The following SNX25 variants were observed in gnomAD, a reference collection of about 807,000 sequenced individuals.
The protein encoded by SNX25 is sorting nexin-25.
Under a neutral mutation model 113.7 loss-of-function variants are expected in SNX25, and 62 were observed. The observed-to-expected ratio is 0.55, with a 90% CI of 0.44 to 0.67. The LOEUF is 0.67. SNX25 is among the 30% of genes least tolerant of loss of function. The probability of loss-of-function intolerance (pLI) is 0.00; values close to 1 mark genes in which losing one functional copy is unlikely to be tolerated. For synonymous variants in SNX25, 421 were observed against 436.2 expected (o/e 0.97, Z 0.43); for missense variants, 1,014 against 1,161.0 (o/e 0.87, Z 1.84).
chr4:185,211,574 T>A (rs2111470260), intron 1 of SNX25, among the ~76,000 whole-genome samples: 1 of 152,344 alleles, frequency 6.6e-6, no homozygotes, highest in South Asian at 2.1e-4. Context: ...TTATAATTCA[T>A]TCGGTAAATA....
At chr4:185,367,347 G>C, downstream of SNX25, 2 of 1,035,570 alleles carry the variant, frequency 1.9e-6, no homozygotes, top group African/African-American at 1.6e-5. Flanking sequence ...GAATAGTAAA[G>C]TACAGTGAAT....
chr4:185,206,458 C>T (rs565126002), upstream of SNX25, among the ~76,000 whole-genome samples: 33 of 147,642 alleles, frequency 2.2e-4, no homozygotes, highest in African/African-American at 7.9e-4. Context: ...ATCCTGAGGT[C>T]GGGGGGTTGA....
intron 5 of SNX25, among the ~76,000 whole-genome samples, chr4:185,283,854 C>T (rs1222143921): frequency 6.6e-6 from 1 of 152,062 alleles, no homozygotes; most frequent in Non-Finnish European, 1.5e-5. Flanking sequence ...TGAATGTTTG[C>T]TGGTATTACA....
chr4:185,323,431 G>A, intron 8 of SNX25, 97 bp from the exon 9 acceptor site: 2 of 1,229,240 alleles, frequency 1.6e-6, no homozygotes, highest in Non-Finnish European at 2.3e-6. Flanking sequence ...CATCTTAAAT[G>A]TCTTTCTTCT....
Position 185,362,647 on chromosome 4 carries a change from G to T in SNX25, c.2870G>T (p.Arg957Leu). The T allele has an allele frequency of 2.5e-6, 4 of 1,613,936 alleles. No individual in the cohort carries two copies. The highest frequency in any genetic ancestry group is 3.4e-6 in the Non-Finnish European group (4 of 1,179,986). Residue 957 changes from arginine (R) to leucine (L), a missense_variant, in exon 18 of 19, where the codon CGC becomes CTC. Coordinates refer to ENST00000652585, the MANE Select transcript of SNX25 (RefSeq NM_001378034.2). The part of the protein sequence containing the change: ...LQSLVGQQNA[R>L]HGIIKIFNAL... Reference sequence around the variant, plus strand: ...AGCCTTGTTGGACAGCAAAATGCCCGCCACGGTATAATAAAAATATTCAAT... The same window carrying T: ...AGCCTTGTTGGACAGCAAAATGCCCTCCACGGTATAATAAAAATATTCAAT...
At chr4:185,330,838 T>C (rs2095189202) in intron 9 of SNX25, among the ~76,000 whole-genome samples, 1 of 152,194 alleles carries the variant, frequency 6.6e-6, no homozygotes, top group South Asian at 2.1e-4. Flanking sequence ...ATAAAATCAC[T>C]GAACTGATTA....
At chr4:185,216,533 T>A (rs933557988) in intron 1 of SNX25, among the ~76,000 whole-genome samples, 4 of 149,490 alleles carry the variant, frequency 2.7e-5, no homozygotes, top group African/African-American at 9.9e-5. Flanking sequence ...TTTTTTTTTT[T>A]TTTGAGATGG....
intron 6 of SNX25, among the ~76,000 whole-genome samples, chr4:185,303,432 G>C (rs1340580086): frequency 6.6e-6 from 1 of 152,068 alleles, no homozygotes; most frequent in African/African-American, 2.4e-5. Flanking sequence ...GGCCGAGGTG[G>C]GTGGATCACG....
intron 1 of SNX25, among the ~76,000 whole-genome samples, chr4:185,227,038 G>C (rs1204318157): frequency 6.6e-6 from 1 of 152,234 alleles, no homozygotes; most frequent in Admixed American, 6.5e-5. Flanking sequence ...AGTCGGAAGA[G>C]CTTGCGGGCT....
At position 185,287,737 on chromosome 4, in the gene SNX25, G is replaced by C. The variant is rs78750345; in HGVS notation, c.1092-275G>C. On this transcript the variant is annotated intron_variant, in intron 5 of 18. Transcript: ENST00000652585. ...GAGAGGGAGGCTGAGCATAACCTCA[G>C]AGTTTCTACAGGTAGTTATGCTTCT... Among the ~76,000 whole-genome samples the C allele has an allele frequency of 7.5e-3, 1,149 of 152,300 alleles. 14 individuals are homozygous for C. Among genetic ancestry groups the C allele is most frequent in the African/African-American group, 0.026 (1,099 of 41,570 alleles).
chr4:185,266,326 G>GA (rs777281696), intron 4 of SNX25, among the ~76,000 whole-genome samples: 7 of 152,172 alleles, frequency 4.6e-5, no homozygotes, highest in Admixed American at 2.6e-4. Flanking sequence ...ATAAGTAAAA[G>GA]AAAAAAATCA....
At chr4:185,359,144 G>A (rs937053553) in intron 16 of SNX25, among the ~76,000 whole-genome samples, 4 of 152,134 alleles carry the variant, frequency 2.6e-5, no homozygotes, top group Non-Finnish European at 5.9e-5. Flanking sequence ...CTTCAGCCCA[G>A]AAGTTTACGA....
chr4:185,265,611 A>G (rs779363337), intron 4 of SNX25, among the ~76,000 whole-genome samples: 1 of 152,204 alleles, frequency 6.6e-6, no homozygotes, highest in African/African-American at 2.4e-5. Context: ...CTTAGGCTAC[A>G]CTACATTTAT....
rs1426599887 is a variant in SNX25, at chr4:185,241,473, A to AGGGAGAGGGAGACTGTG, written c.430-5807_430-5791dup. The stretch of plus-strand genomic sequence containing the variant: ...GGCATCGGGGAGACCGTGGAAAGAG[A>AGGGAGAGGGAGACTGTG]GGGAGAGGGAGACTGTGGGGAGAGG... On this transcript the variant is annotated intron_variant, in intron 1 of 18. Coordinates refer to ENST00000652585, the MANE Select transcript of SNX25 (RefSeq NM_001378034.2). Among the ~76,000 whole-genome samples, 12 of 91,714 alleles carry AGGGAGAGGGAGACTGTG rather than the reference A, an allele frequency of 1.3e-4. 1 individual carries two copies. The highest frequency in any genetic ancestry group is 4.1e-4 in the African/African-American group (12 of 29,198). The allele number at this position is 91,714 out of a possible 152,430, so 60.2% of individuals were successfully genotyped here. A position where few individuals can be genotyped will look rare whatever the true frequency, so the allele number is the denominator to read the frequency against.
Position 185,334,032 on chromosome 4 carries a change from G to T in SNX25, c.1914+1273G>T. Among the ~76,000 whole-genome samples the T allele has an allele frequency of 7.4e-6, 1 of 135,432 alleles. No homozygotes were observed. Among genetic ancestry groups the T allele is most frequent in the East Asian group, 2.2e-4 (1 of 4,646 alleles). 88.8% of individuals were successfully genotyped at this position (135,432 alleles called of 152,430 possible). A position where few individuals can be genotyped will look rare whatever the true frequency, so the allele number is the denominator to read the frequency against. On this transcript the variant is annotated intron_variant, in intron 10 of 18. Transcript: ENST00000652585. The surrounding 1 kb of genome is among the most constrained non-coding windows in gnomAD (Gnocchi z 4.2). ...TTACTGCACTCCAGACTGGGCAATA[G>T]TCTCAAAAAAAAAAAAAAAAAAGTG... is the stretch of plus-strand genomic sequence containing the variant.
At chr4:185,205,351 G>A (rs1444516590), upstream of SNX25, among the ~76,000 whole-genome samples, 1 of 152,090 alleles carries the variant, frequency 6.6e-6, no homozygotes, top group Non-Finnish European at 1.5e-5. Context: ...CTACTCGGAA[G>A]GCTGAGACAG....
intron 12 of SNX25, 143 bp from the exon 13 acceptor site, chr4:185,346,394 C>A: frequency 1.6e-6 from 1 of 618,070 alleles, no homozygotes; most frequent in Non-Finnish European, 2.8e-6. Context: ...ATTCTTCGAG[C>A]CTCATTAAGA....
chr4:185,324,819 G>A (rs376648254), intron 9 of SNX25, among the ~76,000 whole-genome samples: 11 of 152,282 alleles, frequency 7.2e-5, no homozygotes, highest in East Asian at 1.9e-4. Flanking sequence ...AAGGGGCAGC[G>A]TGTTCCTTCT....
chr4:185,362,367 A>T (rs929187467), intron 17 of SNX25: 1 of 979,742 alleles, frequency 1.0e-6, no homozygotes, highest in Non-Finnish European at 1.2e-6. Flanking sequence ...CTTAATTTTT[A>T]GCAAAATATT....
Sources: gnomAD v4.1 joint callset for allele counts (sites outside exome capture counted in the v4.1 genomes callset) on GRCh38, gnomAD v4.1.1 for gene constraint, Gnocchi (gnomAD v3.1) non-coding constraint, MANE v1.5 for transcripts, NCBI Gene and HGNC (gene_info 2026-07-23, HGNC 2026-07-21) for gene names.